The following CACNA1H variants were observed in gnomAD, a reference collection of about 807,000 sequenced individuals.
CACNA1H encodes the protein calcium voltage-gated channel subunit alpha1 H, also known as voltage-dependent T-type calcium channel subunit alpha-1H.
In CACNA1H, 149 loss-of-function variants were observed where a neutral mutation model predicts 192.5. The ratio of observed to expected loss-of-function variants is 0.77; its 90% CI spans 0.68 to 0.89. The LOEUF is 0.89. CACNA1H is among the 40% of genes least tolerant of loss of function. CACNA1H has a pLI of 0.00. For missense variants in CACNA1H, 4,257 were observed against 3,423.5 expected, an observed-to-expected ratio of 1.24 and a Z score of -6.08; for synonymous variants, 2,202 against 1,475.2, an observed-to-expected ratio of 1.49 and a Z score of -11.29.
At position 1,188,673 on chromosome 16, in the gene CACNA1H, G is replaced by A. The variant is rs78830867; in HGVS notation, c.300-6299G>A. 4.9e-3 allele frequency among the ~76,000 whole-genome samples: 748 copies of A among 152,322 alleles called. 5 individuals are homozygous for A. Among genetic ancestry groups the A allele is most frequent in the East Asian group, 0.038 (199 of 5,180 alleles). On this transcript the variant is annotated intron_variant, in intron 2 of 34. Transcript: ENST00000348261. ...CTTCAGAGCTATGCGCTTTCAAGCTGGGAAGAGCAGTTTGGGAGTCTTTTT... is the reference window on the plus strand; with the variant it reads ...CTTCAGAGCTATGCGCTTTCAAGCTAGGAAGAGCAGTTTGGGAGTCTTTTT...
chr16:1,185,391 C>T (rs922209095), intron 2 of CACNA1H, among the ~76,000 whole-genome samples: 29 of 152,060 alleles, frequency 1.9e-4, no homozygotes, highest in South Asian at 4.2e-4. Flanking sequence ...CCTCACCCAC[C>T]GGTTATCCGG....
Position 1,210,073 on chromosome 16 carries a change from C to A in CACNA1H, c.3783C>A (p.Tyr1261Ter), listed in dbSNP as rs1460876199. The part of the protein sequence containing the change: ...CLRLHKVLEP[Y>*]KPQWCRSREA... ...GCCTGCATAAAGTGCTGGAGCCCTA[C>A]AAGCCCCAGTGGTGCCGGAGCCGCG... The change falls in exon 18 of 35, where the codon TAC becomes TAA. Residue 1261 changes from tyrosine to a stop codon, truncating the protein, a stop_gained. Coordinates refer to ENST00000348261, the MANE Select transcript of CACNA1H (RefSeq NM_021098.3). LOFTEE classifies it high-confidence loss of function. The A allele has an allele frequency of 6.4e-7, 1 of 1,557,860 alleles. No individual in the cohort carries two copies. The highest frequency in any genetic ancestry group is 8.7e-7 in the Non-Finnish European group (1 of 1,151,568).
chr16:1,168,890 G>T (rs904322666), intron 2 of CACNA1H, among the ~76,000 whole-genome samples: 1 of 152,094 alleles, frequency 6.6e-6, no homozygotes, highest in African/African-American at 2.4e-5. Flanking sequence ...CGCAGGGGGT[G>T]CCCCGCTCTG....
chr16:1,196,574 T>A (rs1967002163), intron 5 of CACNA1H, among the ~76,000 whole-genome samples: 1 of 152,174 alleles, frequency 6.6e-6, no homozygotes. Context: ...AAAGGGGAAG[T>A]TGGCTGGCCA....
chr16:1,205,996 C>T (rs1000947384), intron 11 of CACNA1H, 108 bp from the exon 12 acceptor site: 19 of 1,037,676 alleles, frequency 1.8e-5, no homozygotes, highest in Middle Eastern at 3.0e-4. Flanking sequence ...CTGTGGGATG[C>T]AGCACAGGCC....
At chr16:1,182,455 C>A (rs1314208775) in intron 2 of CACNA1H, among the ~76,000 whole-genome samples, 3 of 152,144 alleles carry the variant, frequency 2.0e-5, no homozygotes, top group African/African-American at 7.2e-5. Context: ...GCGGTGCTCT[C>A]CCACGGGCAG....
chr16:1,163,459 A>G lies in CACNA1H; in HGVS notation c.299+9423A>G, dbSNP rs914861365. 2.0e-5 allele frequency among the ~76,000 whole-genome samples: 3 copies of G among 152,216 alleles called. No homozygotes were observed. In the East Asian group the frequency reaches 5.8e-4, roughly 29 times the overall value. Reference sequence around the variant, plus strand: ...CCCAGCCCCCTCTGAAGCCGCAGCCACACACAGCCCGGCCTGCCTCAGAGG... The same window carrying G: ...CCCAGCCCCCTCTGAAGCCGCAGCCGCACACAGCCCGGCCTGCCTCAGAGG... On this transcript the variant is annotated intron_variant, in intron 2 of 34. Coordinates refer to ENST00000348261, the MANE Select transcript of CACNA1H (RefSeq NM_021098.3).
chr16:1,211,764 A>G lies in CACNA1H; in HGVS notation c.4525A>G (p.Ile1509Val). Residue 1509 changes from isoleucine (I) to valine (V), a missense_variant, in exon 24 of 35, where the codon ATC becomes GTC. Ile to Val is a conservative substitution (Grantham distance 29). Coordinates refer to ENST00000348261, the MANE Select transcript of CACNA1H (RefSeq NM_021098.3). ...VLSSKDGWVN[I>V]MYDGLDAVGV... is the part of the protein sequence containing the mutation. The stretch of plus-strand genomic sequence containing the variant: ...GTCATCCAAGGATGGATGGGTGAAC[A>G]TCATGTACGACGGGCTGGATGCCGT... 2 of 1,612,726 alleles carry G rather than the reference A, an allele frequency of 1.2e-6. No individual in the cohort carries two copies. Among genetic ancestry groups the G allele is most frequent in the Non-Finnish European group, 1.7e-6 (2 of 1,179,720 alleles).
chr16:1,219,020 C>T lies in CACNA1H; in HGVS notation c.5938C>T (p.Gln1980Ter). 1 of 1,550,280 alleles carries T rather than the reference C, an allele frequency of 6.5e-7. No individual in the cohort carries two copies. Among genetic ancestry groups the T allele is most frequent in the Non-Finnish European group, 8.7e-7 (1 of 1,146,888 alleles). ...SPPAESCASLQIPLAVSSPAR... is the reference protein window; with the variant it reads ...SPPAESCASL ...GCCCGCAGAGTCCTGTGCCTCCCTC[C>T]AGATCCCATTGGCTGTGTCGTCCCC... Residue 1980 changes from glutamine to a stop codon, truncating the protein, a stop_gained, in exon 34 of 35, where the codon CAG (glutamine) becomes TAG (stop). Coordinates refer to ENST00000348261, the MANE Select transcript of CACNA1H (RefSeq NM_021098.3). LOFTEE classifies it high-confidence loss of function.
chr16:1,168,352 A>G (rs1596311910), intron 2 of CACNA1H, among the ~76,000 whole-genome samples: 1 of 151,922 alleles, frequency 6.6e-6, no homozygotes, highest in South Asian at 2.1e-4. Flanking sequence ...GGTAGAGTCC[A>G]TGCAGTCCGA....
intron 2 of CACNA1H, among the ~76,000 whole-genome samples, chr16:1,181,856 A>G (rs1204766175): frequency 6.6e-6 from 1 of 152,034 alleles, no homozygotes; most frequent in East Asian, 1.9e-4. Flanking sequence ...CACACATCAC[A>G]CACCCACACC....
chr16:1,209,431 G>A lies in CACNA1H; in HGVS notation c.3744+19G>A. ...GGAGGACGTGAGTGCGTGGCCCTGGGCCCACCGCCGACTCGCCTTCGTCTG... is the reference window on the plus strand; with the variant it reads ...GGAGGACGTGAGTGCGTGGCCCTGGACCCACCGCCGACTCGCCTTCGTCTG... On this transcript the variant is annotated intron_variant, in intron 17 of 34. Transcript: ENST00000348261. 1 of 1,591,952 alleles carries A rather than the reference G, an allele frequency of 6.3e-7. No homozygotes were observed. Among genetic ancestry groups the A allele is most frequent in the South Asian group, 1.1e-5 (1 of 90,792 alleles).
In CACNA1H at chr16:1,205,179, G is replaced by C. The variant is rs751505379; in HGVS notation, c.2517G>C (p.Glu839Asp). Residue 839 changes from glutamate (E) to aspartate (D), a missense_variant, in exon 11 of 35, where the codon GAG becomes GAC. Physicochemically the swap from Glu to Asp is conservative, Grantham distance 45. Transcript: ENST00000348261. Reference sequence around the variant, plus strand: ...TGTTCACCAGCATGTTTGCCCTGGAGATGCTGCTGAAGCTGCTGGCCTGCG... The same window carrying C: ...TGTTCACCAGCATGTTTGCCCTGGACATGCTGCTGAAGCTGCTGGCCTGCG... ...NIVFTSMFAL[E>D]MLLKLLACGP... 2 of 1,613,158 alleles carry C rather than the reference G, an allele frequency of 1.2e-6. No individual in the cohort carries two copies. The highest frequency in any genetic ancestry group is 1.1e-5 in the South Asian group (1 of 91,090).
At chr16:1,165,644 C>G (rs1484087697) in intron 2 of CACNA1H, among the ~76,000 whole-genome samples, 1 of 152,154 alleles carries the variant, frequency 6.6e-6, no homozygotes, top group Non-Finnish European at 1.5e-5. Context: ...ACAGCTGCGT[C>G]CCCCCGAGGC....
chr16:1,217,215 C>T (rs1439746315), intron 31 of CACNA1H, among the ~76,000 whole-genome samples: 1 of 152,214 alleles, frequency 6.6e-6, no homozygotes, highest in Non-Finnish European at 1.5e-5. Flanking sequence ...AGGCATGTGC[C>T]CAGGCTTGTG....
Position 1,201,697 on chromosome 16 carries a change from T to C in CACNA1H, c.1247T>C (p.Val416Ala). ...GSFFMINLCL[V>A]VIATQFSETK... ...TTCTTCATGATCAACCTGTGCCTGGTGGTGATTGCCACGCAGTTCTCGGAG... is the reference window on the plus strand; with the variant it reads ...TTCTTCATGATCAACCTGTGCCTGGCGGTGATTGCCACGCAGTTCTCGGAG... The change falls in exon 9 of 35, where the codon GTG (valine) becomes GCG (alanine). Residue 416 changes from valine to alanine, a missense_variant. Transcript: ENST00000348261. The C allele has an allele frequency of 1.9e-6, 3 of 1,607,606 alleles. No individual in the cohort carries two copies. Among genetic ancestry groups the C allele is most frequent in the Non-Finnish European group, 2.5e-6 (3 of 1,176,544 alleles).
intron 25 of CACNA1H, 99 bp from the exon 26 acceptor site, chr16:1,212,412 C>T (rs1969561536): frequency 1.5e-6 from 2 of 1,297,692 alleles, no homozygotes; most frequent in Non-Finnish European, 2.2e-6. Flanking sequence ...GAGGAGCCAG[C>T]ACAGCCCCCG....
chr16:1,170,067 C>T (rs573079162), intron 2 of CACNA1H, among the ~76,000 whole-genome samples: 11 of 152,336 alleles, frequency 7.2e-5, no homozygotes, highest in South Asian at 4.1e-4. Context: ...CTCCCCCGCT[C>T]GCCTCTCCAG....
Position 1,207,174 on chromosome 16 carries a change from G to A in CACNA1H, c.2907+56G>A, listed in dbSNP as rs1035021908. The A allele has an allele frequency of 1.4e-5, 21 of 1,549,284 alleles. 1 individual carries two copies. Among genetic ancestry groups the A allele is most frequent in the South Asian group, 1.3e-4 (11 of 84,966 alleles). On this transcript the variant is annotated intron_variant, in intron 13 of 34. Transcript: ENST00000348261. Reference sequence around the variant, plus strand: ...GGTGCTGAGTGTGGTCCCCAGAGAGGTGGAGGTGCCGTCCTGCGCATCCAT... The same window carrying A: ...GGTGCTGAGTGTGGTCCCCAGAGAGATGGAGGTGCCGTCCTGCGCATCCAT...
Sources: allele counts gnomAD v4.1 joint callset (sites outside exome capture counted in the v4.1 genomes callset), GRCh38; gene constraint gnomAD v4.1.1; transcripts MANE v1.5; gene names NCBI Gene and HGNC (gene_info 2026-07-23, HGNC 2026-07-21).